AKAP11: variants seen among roughly 807,000 people sequenced by gnomAD.
AKAP11 encodes A-kinase anchor protein 11.
AKAP11 carries 36 observed loss-of-function variants against 146.1 expected under a neutral mutation model. The ratio of observed to expected loss-of-function variants is 0.25; its 90% CI spans 0.19 to 0.33. The LOEUF is 0.33. AKAP11 is among the 10% of genes least tolerant of loss of function. The pLI, the probability that AKAP11 is intolerant of heterozygous loss-of-function variation, is 1.00. For synonymous variants in AKAP11, 780 were observed against 786.5 expected (o/e 0.99, Z 0.14); for missense variants, 2,201 against 2,197.0 (o/e 1.00, Z -0.04).
At chr13:42,286,497 C>T in intron 3 of AKAP11, 98 bp downstream of exon 3, 1 of 850,224 alleles carries the variant, frequency 1.2e-6, no homozygotes, top group Non-Finnish European at 1.8e-6. Flanking sequence ...TTAAATGAAT[C>T]TTATTATTTG....
chr13:42,318,173 A>G (rs905172669), intron 12 of AKAP11, among the ~76,000 whole-genome samples: 4 of 152,214 alleles, frequency 2.6e-5, no homozygotes, highest in Admixed American at 2.6e-4. Context: ...TTTAAACAAG[A>G]TGCTTACTAT....
upstream of AKAP11, chr13:42,272,083 G>A (rs539485686): frequency 2.8e-4 from 29 of 102,180 alleles, 1 homozygote; most frequent in South Asian, 6.9e-3. Flanking sequence ...GAAGCCGAGG[G>A]GTGGGCAGGG....
At position 42,299,645 on chromosome 13, in the gene AKAP11, C is replaced by T. The variant is rs1317540430; in HGVS notation, c.899C>T (p.Ser300Leu). ...KDSDLQKTFF[S>L]SSPAYSSESE... is the part of the protein sequence containing the mutation. ...AGTGATTTACAGAAAACATTTTTTT[C>T]GTCTTCTCCTGCCTACTCATCTGAA... Residue 300 changes from serine (S) to leucine (L), a missense_variant, in exon 8 of 13, where the codon TCG becomes TTG. Ser to Leu is a moderately radical substitution (Grantham distance 145, BLOSUM62 -2). Coordinates refer to ENST00000025301, the MANE Select transcript of AKAP11 (RefSeq NM_016248.4). 6 of 1,613,510 alleles carry T rather than the reference C, an allele frequency of 3.7e-6. No individual in the cohort carries two copies. In the African/African-American group the frequency reaches 4.0e-5, roughly 11 times the overall value.
chr13:42,317,847 A>G (rs1048072195), intron 12 of AKAP11, among the ~76,000 whole-genome samples, 159 bp downstream of exon 12: 8 of 152,216 alleles, frequency 5.3e-5, no homozygotes, highest in African/African-American at 1.9e-4. Context: ...TTCTAGCAGT[A>G]TAACCAGAGG....
chr13:42,305,274 C>G (rs112921001), intron 8 of AKAP11, among the ~76,000 whole-genome samples: 6 of 152,280 alleles, frequency 3.9e-5, no homozygotes, highest in South Asian at 2.1e-4. Flanking sequence ...CATGGTCTGC[C>G]TCTTTTCTTA....
At position 42,319,977 on chromosome 13, in the gene AKAP11, T is replaced by G. The variant is rs1961015537; in HGVS notation, c.*749T>G. On this transcript the variant is annotated 3_prime_UTR_variant, in exon 13 of 13. Coordinates refer to ENST00000025301, the MANE Select transcript of AKAP11 (RefSeq NM_016248.4). ...AGGGAGTACTTTAACCTTGCCAGTTTGTTCCCTCTTTTATTTTACTGTTTT... is the reference window on the plus strand; with the variant it reads ...AGGGAGTACTTTAACCTTGCCAGTTGGTTCCCTCTTTTATTTTACTGTTTT... 7.4e-6 allele frequency: 1 copy of G among 135,012 alleles called. No individual in the cohort carries two copies. Among genetic ancestry groups the G allele is most frequent in the African/African-American group, 2.5e-5 (1 of 39,810 alleles). The allele number at this position is 135,012 out of a possible 1,614,324, so 8.4% of individuals were successfully genotyped here.
In AKAP11 at chr13:42,302,813, A is replaced by G; in HGVS notation, c.4067A>G (p.Glu1356Gly). ...AGHLIQILKQ[E>G]GGNSELIMDQ... ...CACCTTATTCAGATACTAAAACAGG[A>G]AGGTGGTAATAGTGAGTTGATAATG... Residue 1356 changes from glutamate to glycine, a missense_variant, in exon 8 of 13, where the codon GAA becomes GGA. Around this residue, in one of 3 missense-constraint regions of AKAP11, gnomAD observed 1,867 missense variants for 1,833.5 expected, o/e 1.02. Transcript: ENST00000025301. 6.2e-7 allele frequency: 1 copy of G among 1,614,134 alleles called. No individual in the cohort carries two copies.
At chr13:42,298,492 T>A in intron 6 of AKAP11, 41 bp from the exon 7 acceptor site, 1 of 1,591,128 alleles carries the variant, frequency 6.3e-7, no homozygotes, top group South Asian at 1.1e-5. Flanking sequence ...GTTTTGTATT[T>A]GAAATTAAAA....
intron 9 of AKAP11, 58 bp downstream of exon 9, chr13:42,308,667 C>A: frequency 7.7e-7 from 1 of 1,304,122 alleles, no homozygotes; most frequent in Non-Finnish European, 1.0e-6. Flanking sequence ...TAGAAGTGAG[C>A]TATAAATTTA....
chr13:42,312,216 C>G (rs1333230136), intron 9 of AKAP11, among the ~76,000 whole-genome samples: 3 of 152,078 alleles, frequency 2.0e-5, no homozygotes, highest in Admixed American at 1.3e-4. Flanking sequence ...AAATTGCATG[C>G]TGAGGGTTTT....
Position 42,322,696 on chromosome 13 carries a change from A to G in AKAP11, c.*3468A>G, listed in dbSNP as rs1231050452. On this transcript the variant is annotated 3_prime_UTR_variant, in exon 13 of 13. Coordinates refer to ENST00000025301, the MANE Select transcript of AKAP11 (RefSeq NM_016248.4). ...TCTCATTTTCAGCAAGACTCCTCTA[A>G]GCATTTACTCATTTACTGTATTCCT... The G allele has an allele frequency of 6.6e-6, 1 of 152,504 alleles. No homozygotes were observed. The highest frequency in any genetic ancestry group is 2.4e-5 in the African/African-American group (1 of 41,454). 9.4% of individuals were successfully genotyped at this position (152,504 alleles called of 1,614,324 possible).
intron 4 of AKAP11, among the ~76,000 whole-genome samples, chr13:42,293,737 G>T (rs1436265749): frequency 2.6e-5 from 4 of 152,134 alleles, no homozygotes; most frequent in Non-Finnish European, 5.9e-5. Context: ...CAATGGGAAA[G>T]ATAAAACTCC....
intron 5 of AKAP11, 126 bp downstream of exon 5, chr13:42,295,868 A>G (rs895638867): frequency 3.1e-5 from 23 of 752,578 alleles, no homozygotes; most frequent in Admixed American, 2.0e-4. Flanking sequence ...CATTCTGTGT[A>G]TAATACAGAA....
chr13:42,291,526 C>T (rs1486380307), intron 3 of AKAP11, among the ~76,000 whole-genome samples: 2 of 152,288 alleles, frequency 1.3e-5, no homozygotes, highest in African/African-American at 4.8e-5. Context: ...GGATTACACA[C>T]GTGAGCCACT....
Position 42,301,179 on chromosome 13 carries a change from T to A in AKAP11, c.2433T>A (p.Asn811Lys), listed in dbSNP as rs921279377. Residue 811 changes from asparagine to lysine, a missense_variant, in exon 8 of 13, where the codon AAT becomes AAA. By Grantham distance (94) the Asn-to-Lys change is moderately conservative. Around this residue, in one of 3 missense-constraint regions of AKAP11, gnomAD observed 1,867 missense variants for 1,833.5 expected, o/e 1.02. Coordinates refer to ENST00000025301, the MANE Select transcript of AKAP11 (RefSeq NM_016248.4). ...CTCATCTGTCATCTGATGATAGTAATTCAAATGGTGATTCTGCCCAAGTGC... is the reference window on the plus strand; with the variant it reads ...CTCATCTGTCATCTGATGATAGTAAATCAAATGGTGATTCTGCCCAAGTGC... ...AKAHLSSDDS[N>K]SNGDSAQVHI... is the part of the protein sequence containing the mutation. 5 of 1,613,976 alleles carry A rather than the reference T, an allele frequency of 3.1e-6. No homozygotes were observed. The African/African-American group carries it at 6.7e-5, about 22-fold the overall frequency.
At position 42,302,540 on chromosome 13, in the gene AKAP11, C is replaced by G; in HGVS notation, c.3794C>G (p.Ala1265Gly). Residue 1265 changes from alanine to glycine, a missense_variant, in exon 8 of 13, where the codon GCA becomes GGA. Ala to Gly is a moderately conservative substitution (Grantham distance 60, BLOSUM62 0). Coordinates refer to ENST00000025301, the MANE Select transcript of AKAP11 (RefSeq NM_016248.4). ...TLCNFAGDLA[A>G]EVITEAEKIA... ...TGCAATTTTGCGGGTGATCTGGCAGCAGAAGTCATTACAGAAGCTGAGAAA... is the reference window on the plus strand; with the variant it reads ...TGCAATTTTGCGGGTGATCTGGCAGGAGAAGTCATTACAGAAGCTGAGAAA... 6.2e-7 allele frequency: 1 copy of G among 1,614,060 alleles called. No homozygotes were observed. The highest frequency in any genetic ancestry group is 8.5e-7 in the Non-Finnish European group (1 of 1,179,994).
intron 8 of AKAP11, among the ~76,000 whole-genome samples, chr13:42,307,587 G>T (rs1426027595): frequency 6.6e-6 from 1 of 152,150 alleles, no homozygotes; most frequent in Non-Finnish European, 1.5e-5. Context: ...GAGTCACCGA[G>T]AACAGATTTC....
At position 42,301,419 on chromosome 13, in the gene AKAP11, G is replaced by A. The variant is rs749441514; in HGVS notation, c.2673G>A (p.Met891Ile). The A allele has an allele frequency of 6.2e-7, 1 of 1,613,362 alleles. No individual in the cohort carries two copies. Among genetic ancestry groups the A allele is most frequent in the Non-Finnish European group, 8.5e-7 (1 of 1,179,806 alleles). The stretch of plus-strand genomic sequence containing the variant: ...TAGTAAATGAAACTTTAGAGTCAAT[G>A]ACATCATTGGAAGTTACAAAAATGG... ...HTIVNETLES[M>I]TSLEVTKMVD... Residue 891 changes from methionine to isoleucine, a missense_variant, in exon 8 of 13, where the codon ATG (methionine) becomes ATA (isoleucine). Coordinates refer to ENST00000025301, the MANE Select transcript of AKAP11 (RefSeq NM_016248.4).
chr13:42,277,180 A>G (rs1223755851), intron 1 of AKAP11, among the ~76,000 whole-genome samples: 7 of 152,228 alleles, frequency 4.6e-5, no homozygotes, highest in Non-Finnish European at 1.0e-4. Context: ...ATATTTTTGA[A>G]AGTCAAATAT....
Sources: allele counts gnomAD v4.1 joint callset (sites outside exome capture counted in the v4.1 genomes callset), GRCh38; gene constraint gnomAD v4.1.1; regional missense constraint gnomAD v4.1.1; transcripts MANE v1.5; gene names NCBI Gene and HGNC (gene_info 2026-07-23, HGNC 2026-07-21).